The following MAGED1 variants were observed in gnomAD, a reference collection of about 807,000 sequenced individuals.
The protein encoded by MAGED1 is MAGE family member D1.
In MAGED1, 3 loss-of-function variants were observed where a neutral mutation model predicts 54.1. That is an observed-to-expected ratio of 0.06 (90% CI 0.03 to 0.14). The LOEUF (loss-of-function observed/expected upper bound fraction) is 0.14. Among genes scored for constraint, MAGED1 ranks in the 10% least tolerant of loss-of-function variants. The pLI is 1.00. For missense variants in MAGED1, 485 were observed against 623.4 expected, an observed-to-expected ratio of 0.78 and a Z score of 2.36; for synonymous variants, 217 against 227.3, an observed-to-expected ratio of 0.95 and a Z score of 0.41.
chrX:51,893,331 G>A (rs1353062558), upstream of MAGED1, among the ~76,000 whole-genome samples: 1 of 109,275 alleles, frequency 9.2e-6, no homozygotes, highest in Non-Finnish European at 1.9e-5. Context: ...GAAAAGGTAG[G>A]GGGCCGGTGT....
chrX:51,887,793 A>G (rs1928292284), intron 1 of MAGED1, among the ~76,000 whole-genome samples: 1 of 110,251 alleles, frequency 9.1e-6, no homozygotes, highest in Non-Finnish European at 1.9e-5. Flanking sequence ...GTGAGGTACT[A>G]GGGCTTGTTG....
At chrX:51,821,725 CT>C (rs1234586007) in intron 1 of MAGED1, among the ~76,000 whole-genome samples, 2 of 111,603 alleles carry the variant, frequency 1.8e-5, no homozygotes, top group Admixed American at 9.5e-5. Context: ...GTTTCTGTGA[CT>C]TTTTCCTAGA....
chrX:51,866,386 G>A (rs1927461989), intron 1 of MAGED1, among the ~76,000 whole-genome samples: 1 of 111,802 alleles, frequency 8.9e-6, no homozygotes, highest in Non-Finnish European at 1.9e-5. Context: ...GGTCACATGT[G>A]AGTTCTGATC....
intron 1 of MAGED1, among the ~76,000 whole-genome samples, chrX:51,874,109 C>T (rs781975716): frequency 2.7e-5 from 3 of 111,296 alleles, no homozygotes; most frequent in East Asian, 2.8e-4. Context: ...ATGAAAATCA[C>T]GATGGTGCTA....
At position 51,900,508 on chromosome X, in the gene MAGED1, G is replaced by T. The variant is rs782108619; in HGVS notation, c.1959+212G>T. Among the ~76,000 whole-genome samples the T allele has an allele frequency of 9.2e-5, 10 of 108,337 alleles. 1 individual carries two copies. The South Asian group carries it at 2.8e-3, about 30-fold the overall frequency. The allele number at this position is 108,337 out of a possible 115,157, so 94.1% of individuals were successfully genotyped here. On this transcript the variant is annotated intron_variant, in intron 11 of 12. Coordinates refer to ENST00000326587, the MANE Select transcript of MAGED1 (RefSeq NM_006986.4). Reference sequence around the variant, plus strand: ...TAATACAATTATGAGTTTGTTTTGGGTTTTTTTTTAGGTTTTTAAAGTATT... The same window carrying T: ...TAATACAATTATGAGTTTGTTTTGGTTTTTTTTTTAGGTTTTTAAAGTATT...
At chrX:51,894,143 C>T (rs1928581497) in intron 1 of MAGED1, 126 bp from the exon 2 acceptor site, 1 of 437,047 alleles carries the variant, frequency 2.3e-6, no homozygotes, top group Admixed American at 3.8e-5. Flanking sequence ...TCACTTTTAC[C>T]GCTCCGATCC....
chrX:51,899,507 A>G (rs933783635), intron 10 of MAGED1: 1 of 111,562 alleles, frequency 9.0e-6, no homozygotes, highest in African/African-American at 3.3e-5. Flanking sequence ...CAGTGGTGCA[A>G]TCTTGGCTCG....
chrX:51,851,845 G>A (rs1311195470), intron 1 of MAGED1, among the ~76,000 whole-genome samples: 1 of 111,594 alleles, frequency 9.0e-6, no homozygotes, highest in African/African-American at 3.3e-5. Context: ...TTTTTGGACT[G>A]TAGTTTACTG....
chrX:51,817,318 T>A (rs1440536781), intron 1 of MAGED1, among the ~76,000 whole-genome samples: 7 of 111,831 alleles, frequency 6.3e-5, no homozygotes, highest in African/African-American at 2.3e-4. Flanking sequence ...ACAACCCAAT[T>A]TGGCTTGTTC....
At chrX:51,812,201 T>A (rs1031572837) in intron 1 of MAGED1, among the ~76,000 whole-genome samples, 7 of 109,820 alleles carry the variant, frequency 6.4e-5, no homozygotes, top group African/African-American at 2.3e-4. Context: ...AATAAATAAA[T>A]AAAAAACTGA....
intron 1 of MAGED1, among the ~76,000 whole-genome samples, chrX:51,830,029 C>T (rs1341190142): frequency 9.0e-6 from 1 of 111,323 alleles, no homozygotes; most frequent in Non-Finnish European, 1.9e-5. Flanking sequence ...AACTAAATTC[C>T]CCAACTGTTC....
intron 1 of MAGED1, among the ~76,000 whole-genome samples, chrX:51,845,640 T>C (rs1926657101): frequency 8.9e-6 from 1 of 111,960 alleles, no homozygotes; most frequent in South Asian, 3.8e-4. Flanking sequence ...ATGAGATGAC[T>C]TACATGATGA....
chrX:51,841,693 A>C (rs1484218336), intron 1 of MAGED1, among the ~76,000 whole-genome samples: 1 of 104,321 alleles, frequency 9.6e-6, no homozygotes, highest in African/African-American at 3.5e-5. Flanking sequence ...TAAATAGGGA[A>C]TCCTTTCCCC....
chrX:51,890,733 A>T (rs1253955113), upstream of MAGED1, among the ~76,000 whole-genome samples: 2 of 110,153 alleles, frequency 1.8e-5, no homozygotes, highest in African/African-American at 6.6e-5. Context: ...AATAAATCTA[A>T]TATGTTCATT....
At chrX:51,806,099 G>A (rs970680839) in intron 1 of MAGED1, among the ~76,000 whole-genome samples, 1 of 104,425 alleles carries the variant, frequency 9.6e-6, no homozygotes, top group African/African-American at 3.5e-5. Context: ...TCAGGCTCCC[G>A]AGTAGCTGGG....
In MAGED1 at chrX:51,864,189, A is replaced by AGAGT. The variant is rs1479838638; in HGVS notation, c.-36-30079_-36-30078insAGTG. Among the ~76,000 whole-genome samples the AGAGT allele has an allele frequency of 5.2e-3, 522 of 100,434 alleles. 3 individuals are homozygous for AGAGT. Among genetic ancestry groups the AGAGT allele is most frequent in the African/African-American group, 0.018 (490 of 27,704 alleles). 87.2% of individuals were successfully genotyped at this position (100,434 alleles called of 115,157 possible). A position where few individuals can be genotyped will look rare whatever the true frequency, so the allele number is the denominator to read the frequency against. ...AGGGGTGTGAGAGAGAGAGAGAGAG[A>AGAGT]GTGTGTGTGTGTGTGTGTGTGTGTG... On this transcript the variant is annotated intron_variant, in intron 1 of 12. Transcript: ENST00000375772.
At chrX:51,824,704 CTG>C (rs149180361) in intron 1 of MAGED1, among the ~76,000 whole-genome samples, 11,311 of 90,259 alleles carry the variant, frequency 0.13, 580 homozygotes, top group African/African-American at 0.15. Context: ...TATATTGTCT[CTG>C]TGTGTGTGTG....
At chrX:51,893,605 G>C (rs940111635), upstream of MAGED1, 1 of 113,693 alleles carries the variant, frequency 8.8e-6, no homozygotes, top group Admixed American at 9.2e-5. Flanking sequence ...TATATTAGGC[G>C]AAGAGGCGGG....
chrX:51,840,434 A>C (rs199824783), intron 1 of MAGED1, among the ~76,000 whole-genome samples: 1 of 109,253 alleles, frequency 9.2e-6, no homozygotes, highest in Non-Finnish European at 1.9e-5. Flanking sequence ...TTTTTTTTTT[A>C]AATTTTATTA....
Sources: gnomAD v4.1 joint callset for allele counts (sites outside exome capture counted in the v4.1 genomes callset) on GRCh38, gnomAD v4.1.1 for gene constraint, MANE v1.5 for transcripts, NCBI Gene and HGNC (gene_info 2026-07-23, HGNC 2026-07-21) for gene names.